FAM161B: variants seen among roughly 807,000 people sequenced by gnomAD.
FAM161B encodes FAM161 centrosomal protein B, also known as protein FAM161B.
Under a neutral mutation model 61.5 loss-of-function variants are expected in FAM161B, and 46 were observed. The observed-to-expected ratio is 0.75, with a 90% CI of 0.59 to 0.96. FAM161B has a LOEUF of 0.96. Among genes scored for constraint, FAM161B ranks in the 40% least tolerant of loss-of-function variants. The pLI, the probability that FAM161B is intolerant of heterozygous loss-of-function variation, is 0.00. For synonymous variants in FAM161B, 284 were observed against 302.7 expected (o/e 0.94, Z 0.64); for missense variants, 774 against 800.7 (o/e 0.97, Z 0.40).
chr14:73,939,278 G>A (rs760582723), intron 5 of FAM161B, among the ~76,000 whole-genome samples: 5 of 152,046 alleles, frequency 3.3e-5, no homozygotes, highest in Non-Finnish European at 5.9e-5. Context: ...CAGCATGGGC[G>A]ACAGAGCAAG....
chr14:73,944,599 C>T lies in FAM161B; in HGVS notation c.661G>A (p.Val221Met), dbSNP rs1367354730. The T allele has an allele frequency of 6.2e-7, 1 of 1,613,976 alleles. No individual in the cohort carries two copies. Among genetic ancestry groups the T allele is most frequent in the Admixed American group, 1.7e-5 (1 of 60,006 alleles). Residue 221 changes from valine (V) to methionine (M), a missense_variant, in exon 3 of 9, where the codon GTG (valine) becomes ATG (methionine). Coordinates refer to ENST00000286544, the MANE Select transcript of FAM161B (RefSeq NM_152445.3). ...AGGGGCAGGTAGACATGTGCAGGCACAGGCTGTGCCCGGAACTGCCTGTGG... is the reference window on the plus strand; with the variant it reads ...AGGGGCAGGTAGACATGTGCAGGCATAGGCTGTGCCCGGAACTGCCTGTGG... ...ECHRQFRAQP[V>M]PAHVYLPLYQ...
intron 3 of FAM161B, 78 bp from the exon 4 acceptor site, chr14:73,942,793 C>T: frequency 7.6e-7 from 1 of 1,323,460 alleles, no homozygotes; most frequent in Non-Finnish European, 1.0e-6. Context: ...CCCTCTTTTA[C>T]ACACTAGCTG....
At chr14:73,931,766 G>GAAACTGTACCTT (rs2055919799), downstream of FAM161B, 1 of 544,958 alleles carries the variant, frequency 1.8e-6, no homozygotes. Flanking sequence ...TGTGGGCTGG[G>GAAACTGTACCTT]AAACTGTACC....
At chr14:73,938,979 C>T (rs1283542257) in intron 5 of FAM161B, among the ~76,000 whole-genome samples, 1 of 152,006 alleles carries the variant, frequency 6.6e-6, no homozygotes, top group African/African-American at 2.4e-5. Flanking sequence ...AGTGCATTTA[C>T]TGAACTGGAG....
chr14:73,937,169 C>G (rs1282335450), intron 7 of FAM161B, among the ~76,000 whole-genome samples: 3 of 152,190 alleles, frequency 2.0e-5, no homozygotes, highest in Non-Finnish European at 2.9e-5. Context: ...TTGTGGGCAT[C>G]CTAATGCTTG....
At chr14:73,947,254 G>A (rs542094840) in intron 1 of FAM161B, among the ~76,000 whole-genome samples, 3 of 151,994 alleles carry the variant, frequency 2.0e-5, no homozygotes, top group Admixed American at 6.6e-5. Flanking sequence ...GCGTGGTGGC[G>A]GGTGCCTGTA....
downstream of FAM161B, among the ~76,000 whole-genome samples, chr14:73,930,812 G>A (rs1741185245): frequency 6.6e-6 from 1 of 152,098 alleles, no homozygotes; most frequent in Admixed American, 6.5e-5. Context: ...TGTTGCCCAA[G>A]TGGGTCTCAA....
In FAM161B at chr14:73,934,370, G is replaced by A; in HGVS notation, c.1830C>T (p.Ser610=). ...FPRFQETTKL[S]IRDPEQGLEG... is the part of the protein sequence containing the mutation. ...CTAAACCCTGCTCTGGATCTCTGAT[G>A]CTGAGTTTTGTAGTTTCTTGGAACC... Residue 610 remains serine, a synonymous_variant, in exon 9 of 9, where the codon AGC becomes AGT. Transcript: ENST00000286544. 1 of 1,610,884 alleles carries A rather than the reference G, an allele frequency of 6.2e-7. No individual in the cohort carries two copies. Among genetic ancestry groups the A allele is most frequent in the East Asian group, 2.2e-5 (1 of 44,862 alleles).
At chr14:73,924,887 C>G in the FAM161B span, 1 of 323,934 alleles carries the variant, frequency 3.1e-6, no homozygotes, top group Non-Finnish European at 6.0e-6. Context: ...CCATGTTGGC[C>G]AGGATGGTCT....
At chr14:73,926,363 T>G in the FAM161B span, among the ~76,000 whole-genome samples, 2 of 140,026 alleles carry the variant, frequency 1.4e-5, no homozygotes, top group East Asian at 4.2e-4. Context: ...CTTCTCTTAA[T>G]TCTCTTTATA....
Position 73,942,647 on chromosome 14 carries a change from G to A in FAM161B, c.994C>T (p.Pro332Ser), listed in dbSNP as rs1336536759. ...ALDMLQMASS[P>S]IASSSNRANP... ...GCCCGGTTACTAGAGGAGGCGATAG[G>A]GGAAGAGGCCATCTGGAGCATGTCC... Residue 332 changes from proline (P) to serine (S), a missense_variant, in exon 4 of 9, where the codon CCT becomes TCT. By Grantham distance (74) the Pro-to-Ser change is moderately conservative (BLOSUM62 -1). Coordinates refer to ENST00000286544, the MANE Select transcript of FAM161B (RefSeq NM_152445.3). 6.2e-7 allele frequency: 1 copy of A among 1,614,182 alleles called. No homozygotes were observed. Among genetic ancestry groups the A allele is most frequent in the Non-Finnish European group, 8.5e-7 (1 of 1,180,044 alleles).
downstream of FAM161B, among the ~76,000 whole-genome samples, chr14:73,928,532 A>G (rs1291382881): frequency 6.6e-6 from 1 of 152,194 alleles, no homozygotes; most frequent in East Asian, 1.9e-4. Context: ...ATATCCAGTA[A>G]TAGTACATTT....
downstream of FAM161B, chr14:73,927,828 G>A (rs1051776156): frequency 3.5e-5 from 4 of 115,374 alleles, no homozygotes; most frequent in African/African-American, 6.7e-5. Context: ...TTAATCAACC[G>A]GCAATTTTTT....
At position 73,944,439 on chromosome 14, in the gene FAM161B, T is replaced by G. The variant is rs766868389; in HGVS notation, c.821A>C (p.Gln274Pro). 6.2e-7 allele frequency: 1 copy of G among 1,613,402 alleles called. No homozygotes were observed. The highest frequency in any genetic ancestry group is 8.5e-7 in the Non-Finnish European group (1 of 1,179,504). ...TTCAGCTGTGGCTGCCAAGTCTCTC[T>G]GTCGAGCAGCTTCCTTTAGCTGCTC... ...KEEQLKEAAR[Q>P]RDLAATAEAK... Residue 274 changes from glutamine to proline, a missense_variant, in exon 3 of 9, where the codon CAG becomes CCG. Transcript: ENST00000286544.
chr14:73,949,946 C>T lies in FAM161B; in HGVS notation c.54+27G>A, dbSNP rs777954195. 3.1e-6 allele frequency: 5 copies of T among 1,612,160 alleles called. No homozygotes were observed. In the African/African-American group the frequency reaches 4.0e-5, roughly 13 times the overall value. On this transcript the variant is annotated intron_variant, in intron 1 of 8. Transcript: ENST00000286544. ...AGTTTCCTCTCCGGGATTCCTTTCC[C>T]GGGGGCAGTCTCTTTTCTCTCCTCA... is the stretch of plus-strand genomic sequence containing the variant.
the FAM161B span, among the ~76,000 whole-genome samples, chr14:73,924,550 C>T: frequency 1.3e-5 from 2 of 152,216 alleles, no homozygotes; most frequent in Non-Finnish European, 2.9e-5. Context: ...GGTCTTGTGT[C>T]ATGGGAGTGG....
intron 6 of FAM161B, 23 bp from the exon 7 acceptor site, chr14:73,937,724 A>G (rs1019533417): frequency 1.9e-6 from 3 of 1,609,310 alleles, no homozygotes; most frequent in Non-Finnish European, 2.5e-6. Flanking sequence ...AGACTTTTAG[A>G]AAGAATTTCA....
the FAM161B span, among the ~76,000 whole-genome samples, chr14:73,925,276 C>A: frequency 6.6e-6 from 1 of 152,186 alleles, no homozygotes; most frequent in East Asian, 1.9e-4. Context: ...GAGCCTTCCT[C>A]TTTCTCCTCC....
In FAM161B at chr14:73,946,263, G is replaced by A. The variant is rs781198312; in HGVS notation, c.374+23C>T. 6.9e-6 allele frequency: 11 copies of A among 1,600,994 alleles called. No homozygotes were observed. The South Asian group carries it at 1.1e-4, about 16-fold the overall frequency. On this transcript the variant is annotated intron_variant, in intron 2 of 8. Transcript: ENST00000286544. Reference sequence around the variant, plus strand: ...CTGTGTGGAGGTGTGGAGTGAGGCAGCCGTGGAGCTGCAGTGCCTTACCTC... The same window carrying A: ...CTGTGTGGAGGTGTGGAGTGAGGCAACCGTGGAGCTGCAGTGCCTTACCTC...
Sources: allele counts gnomAD v4.1 joint callset (sites outside exome capture counted in the v4.1 genomes callset), GRCh38; gene constraint gnomAD v4.1.1; transcripts MANE v1.5; gene names NCBI Gene and HGNC (gene_info 2026-07-23, HGNC 2026-07-21).